Variants in SEC14L1 observed in about 807,000 individuals in gnomAD.
SEC14L1 encodes the protein SEC14-like protein 1.
In SEC14L1, 48 loss-of-function variants were observed where a neutral mutation model predicts 85.3. That is an observed-to-expected ratio of 0.56 (90% CI 0.45 to 0.72). SEC14L1 has a LOEUF of 0.72. Ranked by LOEUF, SEC14L1 falls within the 30% of genes least tolerant of loss-of-function variation. The probability of loss-of-function intolerance (pLI) is 0.00; values close to 1 mark genes in which losing one functional copy is unlikely to be tolerated. For synonymous variants in SEC14L1, 391 were observed against 355.5 expected (o/e 1.10, Z -1.12); for missense variants, 682 against 921.4 (o/e 0.74, Z 3.36).
At chr17:77,186,273 G>A (rs934323839) in intron 3 of SEC14L1, among the ~76,000 whole-genome samples, 1 of 152,124 alleles carries the variant, frequency 6.6e-6, no homozygotes, top group African/African-American at 2.4e-5. Context: ...CCTCCCCTGG[G>A]GGCTGTGGGT....
intron 3 of SEC14L1, among the ~76,000 whole-genome samples, chr17:77,097,162 T>G (rs183529342): frequency 5.9e-5 from 9 of 152,338 alleles, no homozygotes; most frequent in African/African-American, 2.2e-4. Context: ...TCCCAGACAG[T>G]GTGCATTAAG....
intron 3 of SEC14L1, chr17:77,127,775 A>C (rs1972494415): frequency 6.6e-6 from 1 of 152,216 alleles, no homozygotes; most frequent in Non-Finnish European, 1.5e-5. Context: ...TGCAGATGTC[A>C]GTAAGTTAAG....
At chr17:77,167,723 CAA>C (rs545873602) in intron 3 of SEC14L1, among the ~76,000 whole-genome samples, 2 of 152,238 alleles carry the variant, frequency 1.3e-5, no homozygotes, top group East Asian at 1.9e-4. Context: ...CACGGACACT[CAA>C]AGAGTGAGCA....
upstream of SEC14L1, among the ~76,000 whole-genome samples, chr17:77,138,846 T>C (rs1255587353): frequency 1.3e-5 from 2 of 152,034 alleles, no homozygotes; most frequent in African/African-American, 2.4e-5. Flanking sequence ...GGAAATAAAG[T>C]TTTTTGTGAT....
chr17:77,200,762 T>TG (rs1470528859), intron 9 of SEC14L1, 89 bp downstream of exon 9: 60 of 1,345,798 alleles, frequency 4.5e-5, no homozygotes, highest in Non-Finnish European at 5.9e-5. Flanking sequence ...TGGAGTTGAG[T>TG]GGGGCCCCCT....
intron 3 of SEC14L1, chr17:77,130,289 G>GT (rs1972573425): frequency 1.3e-5 from 2 of 151,916 alleles, no homozygotes; most frequent in South Asian, 4.2e-4. Flanking sequence ...GGGGGGATGT[G>GT]TTTTTTATTT....
intron 3 of SEC14L1, among the ~76,000 whole-genome samples, chr17:77,169,183 G>A (rs1974424013): frequency 6.6e-6 from 1 of 152,024 alleles, no homozygotes; most frequent in Admixed American, 6.6e-5. Context: ...TAGACAAAAG[G>A]CAGCTTGACT....
Position 77,215,756 on chromosome 17 carries a change from A to G in SEC14L1, c.*1733A>G. On this transcript the variant is annotated 3_prime_UTR_variant, in exon 17 of 17. Transcript: ENST00000436233. Reference sequence around the variant, plus strand: ...GGGCTAGTAGGTAGGGTTAGTAGGTAGGGCTAGTAGGTAGGGCTAGTAGGT... The same window carrying G: ...GGGCTAGTAGGTAGGGTTAGTAGGTGGGGCTAGTAGGTAGGGCTAGTAGGT... 1.0e-6 allele frequency: 1 copy of G among 985,940 alleles called. No homozygotes were observed. Among genetic ancestry groups the G allele is most frequent in the Non-Finnish European group, 1.2e-6 (1 of 830,766 alleles). 61.1% of individuals were successfully genotyped at this position (985,940 alleles called of 1,614,324 possible).
At chr17:77,131,070 C>T (rs1567882398) in intron 3 of SEC14L1, among the ~76,000 whole-genome samples, 1 of 152,198 alleles carries the variant, frequency 6.6e-6, no homozygotes, top group Non-Finnish European at 1.5e-5. Flanking sequence ...TCCCATTCTT[C>T]TACGGACAGT....
In SEC14L1 at chr17:77,190,931, T is replaced by A. The variant is rs1215189636; in HGVS notation, c.192T>A (p.Asp64Glu). The A allele has an allele frequency of 3.1e-6, 5 of 1,614,154 alleles. No homozygotes were observed. The highest frequency in any genetic ancestry group is 4.2e-6 in the Non-Finnish European group (5 of 1,180,042). Residue 64 changes from aspartate (D) to glutamate (E), a missense_variant, in exon 4 of 17, where the codon GAT (aspartate) becomes GAA (glutamate). Coordinates refer to ENST00000436233, the MANE Select transcript of SEC14L1 (RefSeq NM_001143998.2). ...AAAGGCGCTGCAAGCTGGATGTAGA[T>A]GCACCCAGACTGCTGAAGAAGGTAA... is the stretch of plus-strand genomic sequence containing the variant. ...VIERRCKLDV[D>E]APRLLKKIAG...
intron 3 of SEC14L1, among the ~76,000 whole-genome samples, chr17:77,135,500 C>CTCTT (rs569606182): frequency 9.9e-4 from 150 of 152,008 alleles, no homozygotes; most frequent in Non-Finnish European, 2.0e-3. Flanking sequence ...TTGTCTTTCT[C>CTCTT]TCTTTCTTTC....
At chr17:77,161,142 CT>C (rs1176832819) in intron 3 of SEC14L1, among the ~76,000 whole-genome samples, 1 of 152,162 alleles carries the variant, frequency 6.6e-6, no homozygotes, top group African/African-American at 2.4e-5. Context: ...ATTGTATGAG[CT>C]TTTTTGTTTT....
intron 3 of SEC14L1, among the ~76,000 whole-genome samples, chr17:77,164,590 G>A (rs943308264): frequency 4.6e-5 from 7 of 152,310 alleles, no homozygotes; most frequent in South Asian, 2.1e-4. Flanking sequence ...CAAGAGCCCA[G>A]GCTCTAATTT....
At chr17:77,094,947 T>C (rs902807479) in intron 3 of SEC14L1, 2 of 151,918 alleles carry the variant, frequency 1.3e-5, no homozygotes, top group African/African-American at 2.4e-5. Context: ...AAAAAAAAAG[T>C]GTATATTGAC....
At chr17:77,136,911 C>CTT (rs577567553), upstream of SEC14L1, among the ~76,000 whole-genome samples, 19 of 142,130 alleles carry the variant, frequency 1.3e-4, no homozygotes, top group Admixed American at 3.5e-4. Context: ...CTTTTTCTTT[C>CTT]TTTTTTTTTT....
intron 1 of SEC14L1, among the ~76,000 whole-genome samples, chr17:77,142,184 G>C (rs1973083934): frequency 1.3e-5 from 2 of 152,130 alleles, no homozygotes; most frequent in Admixed American, 1.3e-4. Context: ...TTTTCACACT[G>C]TCAGATGGCG....
Position 77,216,656 on chromosome 17 carries a change from C to T in SEC14L1, c.*2633C>T, listed in dbSNP as rs114568836. ...AATTGCAGCCATCCCCTGCCCCCTCCCAGGCTGAAGATCTGTTCTTTTTAA... is the reference window on the plus strand; with the variant it reads ...AATTGCAGCCATCCCCTGCCCCCTCTCAGGCTGAAGATCTGTTCTTTTTAA... On this transcript the variant is annotated 3_prime_UTR_variant, in exon 17 of 17. Transcript: ENST00000436233. The T allele has an allele frequency of 9.6e-5, 154 of 1,606,298 alleles. 1 individual carries two copies. The African/African-American group carries it at 1.7e-3, about 18-fold the overall frequency.
intron 3 of SEC14L1, among the ~76,000 whole-genome samples, chr17:77,135,239 C>T (rs545248983): frequency 6.6e-6 from 1 of 152,314 alleles, no homozygotes; most frequent in African/African-American, 2.4e-5. Context: ...TTGTTCACAT[C>T]CTGACTCTTA....
intron 3 of SEC14L1, among the ~76,000 whole-genome samples, chr17:77,163,699 T>C (rs559623242): frequency 5.3e-4 from 80 of 152,338 alleles, no homozygotes; most frequent in African/African-American, 1.7e-3. Flanking sequence ...CAAGTTTCTT[T>C]AAGATCAAAG....
Sources: allele counts gnomAD v4.1 joint callset (sites outside exome capture counted in the v4.1 genomes callset), GRCh38; gene constraint gnomAD v4.1.1; transcripts MANE v1.5; gene names NCBI Gene and HGNC (gene_info 2026-07-23, HGNC 2026-07-21).